PTPRT: variants seen among roughly 807,000 people sequenced by gnomAD.
PTPRT encodes the protein receptor-type tyrosine-protein phosphatase T.
In PTPRT, 56 loss-of-function variants were observed where a neutral mutation model predicts 176.8. The ratio of observed to expected loss-of-function variants is 0.32; its 90% CI spans 0.26 to 0.40. The LOEUF is 0.40. Among genes scored for constraint, PTPRT ranks in the 10% least tolerant of loss-of-function variants. The pLI, the probability that PTPRT is intolerant of heterozygous loss-of-function variation, is 1.00. For missense variants in PTPRT, 1,540 were observed against 1,908.2 expected (o/e 0.81, Z 3.60); for synonymous variants, 783 against 739.0 (o/e 1.06, Z -0.96).
At chr20:42,738,242 G>A (rs1008157314) in intron 6 of PTPRT, among the ~76,000 whole-genome samples, 1 of 152,150 alleles carries the variant, frequency 6.6e-6, no homozygotes, top group East Asian at 1.9e-4. Flanking sequence ...GCTGGGCATG[G>A]TAGCTCATGC....
intron 18 of PTPRT, among the ~76,000 whole-genome samples, chr20:42,140,745 A>G (rs1248134751): frequency 6.6e-6 from 1 of 152,118 alleles, no homozygotes; most frequent in African/African-American, 2.4e-5. Context: ...GCCTTATTCT[A>G]TGTCCCCACA....
chr20:42,895,749 T>G (rs2079285013), intron 1 of PTPRT, among the ~76,000 whole-genome samples: 1 of 152,246 alleles, frequency 6.6e-6, no homozygotes, highest in Non-Finnish European at 1.5e-5. Flanking sequence ...GTATTCTTCT[T>G]TTGATTCCTA....
chr20:43,098,538 CTTTTTTTTCT>C (rs1020800459), intron 1 of PTPRT, among the ~76,000 whole-genome samples: 2 of 147,236 alleles, frequency 1.4e-5, no homozygotes, highest in African/African-American at 2.5e-5. Context: ...GGTGACAACT[CTTTTTTTTCT>C]TTTTTTTTTT....
chr20:42,668,843 C>T (rs997862656), intron 7 of PTPRT, among the ~76,000 whole-genome samples: 2 of 150,048 alleles, frequency 1.3e-5, no homozygotes, highest in Non-Finnish European at 3.0e-5. Context: ...AGGCGCCCGC[C>T]ACCACGCCCA....
At chr20:42,284,500 T>G (rs547583726) in intron 12 of PTPRT, among the ~76,000 whole-genome samples, 1 of 152,076 alleles carries the variant, frequency 6.6e-6, no homozygotes, top group Non-Finnish European at 1.5e-5. Flanking sequence ...AGATCATTAA[T>G]ATAAGTAACA....
intron 11 of PTPRT, among the ~76,000 whole-genome samples, chr20:42,322,696 A>G (rs1028518212): frequency 7.9e-5 from 12 of 151,986 alleles, no homozygotes; most frequent in Non-Finnish European, 1.5e-4. Context: ...GGACATAGGC[A>G]TGGGCAAGGA....
intron 1 of PTPRT, among the ~76,000 whole-genome samples, chr20:42,900,631 C>T (rs1049184926): frequency 6.6e-6 from 1 of 152,186 alleles, no homozygotes; most frequent in Non-Finnish European, 1.5e-5. Flanking sequence ...GGTGGGCCCT[C>T]CTCAGTTTCT....
intron 16 of PTPRT, among the ~76,000 whole-genome samples, chr20:42,166,893 C>T (rs1337895132): frequency 6.6e-6 from 1 of 151,346 alleles, no homozygotes; most frequent in African/African-American, 2.4e-5. Flanking sequence ...TGCACTCCAG[C>T]CAGGGGTGAC....
intron 7 of PTPRT, among the ~76,000 whole-genome samples, chr20:42,518,128 A>C (rs1259478526): frequency 6.6e-6 from 1 of 152,022 alleles, no homozygotes; most frequent in Non-Finnish European, 1.5e-5. Flanking sequence ...CTCAGTTTAG[A>C]GGTGGTTATA....
intron 9 of PTPRT, among the ~76,000 whole-genome samples, chr20:42,400,696 C>T (rs920435506): frequency 2.6e-4 from 39 of 152,190 alleles, no homozygotes; most frequent in African/African-American, 8.9e-4. Context: ...AGCACGCTTG[C>T]ATGTTCAGGA....
intron 14 of PTPRT, among the ~76,000 whole-genome samples, chr20:42,245,761 G>T (rs1278659449): frequency 6.6e-6 from 1 of 152,190 alleles, no homozygotes; most frequent in Non-Finnish European, 1.5e-5. Context: ...TTCAGAGGGA[G>T]AAGCTGGGGA....
chr20:42,738,058 G>A (rs548088927), intron 6 of PTPRT, among the ~76,000 whole-genome samples: 23 of 152,244 alleles, frequency 1.5e-4, no homozygotes, highest in African/African-American at 4.3e-4. Flanking sequence ...TAGAGGGTAT[G>A]ACAGGCTTAC....
chr20:42,836,124 C>A (rs2145709709), intron 2 of PTPRT, among the ~76,000 whole-genome samples: 1 of 152,232 alleles, frequency 6.6e-6, no homozygotes, highest in Non-Finnish European at 1.5e-5. Flanking sequence ...CTGTATCCAC[C>A]TCAGATGCCT....
chr20:42,847,548 C>T (rs1026550929), intron 2 of PTPRT, among the ~76,000 whole-genome samples: 1 of 152,188 alleles, frequency 6.6e-6, no homozygotes, highest in African/African-American at 2.4e-5. Flanking sequence ...ACTCAAGGCA[C>T]GAGATGTTGC....
At chr20:42,094,546 C>T (rs1984990315) in intron 27 of PTPRT, among the ~76,000 whole-genome samples, 2 of 152,044 alleles carry the variant, frequency 1.3e-5, no homozygotes, top group South Asian at 2.1e-4. Context: ...CCTCAGCCTC[C>T]CAAGTAGCTA....
At chr20:42,365,568 G>A (rs1353509257) in intron 9 of PTPRT, among the ~76,000 whole-genome samples, 15 of 151,936 alleles carry the variant, frequency 9.9e-5, no homozygotes, top group African/African-American at 3.6e-4. Context: ...AGGGGTGTCC[G>A]GTCTTTTGGA....
chr20:42,151,291 C>A (rs530631020), intron 17 of PTPRT, among the ~76,000 whole-genome samples: 36 of 152,186 alleles, frequency 2.4e-4, no homozygotes, highest in African/African-American at 8.2e-4. Context: ...CTCTAATGTT[C>A]TCCCTCCCTT....
At chr20:42,897,163 G>T (rs1420818650) in intron 1 of PTPRT, among the ~76,000 whole-genome samples, 2 of 152,088 alleles carry the variant, frequency 1.3e-5, no homozygotes, top group African/African-American at 4.8e-5. Flanking sequence ...TACATTCATG[G>T]ACTCAACAGA....
the PTPRT span, among the ~76,000 whole-genome samples, chr20:42,048,240 A>G: frequency 6.6e-6 from 1 of 152,222 alleles, no homozygotes; most frequent in Non-Finnish European, 1.5e-5. Context: ...CTTCCTGAGT[A>G]TGGGGAAAGG....
Sources: allele counts gnomAD v4.1 joint callset (sites outside exome capture counted in the v4.1 genomes callset), GRCh38; gene constraint gnomAD v4.1.1; transcripts MANE v1.5; gene names NCBI Gene and HGNC (gene_info 2026-07-23, HGNC 2026-07-21).